CCDC171: variants seen among roughly 807,000 people sequenced by gnomAD.
CCDC171 encodes coiled-coil domain containing 171.
In CCDC171, 177 loss-of-function variants were observed where a neutral mutation model predicts 168.2. The ratio of observed to expected loss-of-function variants is 1.05; its 90% CI spans 0.93 to 1.19. The LOEUF (loss-of-function observed/expected upper bound fraction) is 1.19, where lower values mean the gene tolerates loss of function less well. CCDC171 is among the 50% of genes most tolerant of loss of function. The pLI is 0.00. For synonymous variants in CCDC171, 687 were observed against 540.8 expected (o/e 1.27, Z -3.75); for missense variants, 1,991 against 1,539.0 (o/e 1.29, Z -4.91).
At chr9:15,786,115 A>G (rs966638235) in intron 21 of CCDC171, among the ~76,000 whole-genome samples, 4 of 152,188 alleles carry the variant, frequency 2.6e-5, no homozygotes, top group African/African-American at 9.6e-5. Context: ...TACATGTATT[A>G]AATTGAACCA....
intron 7 of CCDC171, among the ~76,000 whole-genome samples, chr9:15,634,563 T>C (rs1362862782): frequency 6.6e-6 from 1 of 152,152 alleles, no homozygotes; most frequent in African/African-American, 2.4e-5. Context: ...AGGGCTAGGG[T>C]AGGGTATTTG....
Position 16,010,136 on chromosome 9 carries a change from A to G in CCDC171, n.369-10453A>G, listed in dbSNP as rs111863411. ...TTGAATTAAGTAGAGTAGAAATTGA[A>G]TGTTCTGAAGTCTGAATGTGTGTGT... On this transcript the variant is annotated intron_variant and non_coding_transcript_variant, in intron 3 of 9. Coordinates refer to the CCDC171 transcript ENST00000486641. 1.4e-4 allele frequency among the ~76,000 whole-genome samples: 22 copies of G among 152,280 alleles called. 1 individual carries two copies. The highest frequency in any genetic ancestry group is 4.8e-4 in the African/African-American group (20 of 41,558).
intron 2 of CCDC171, among the ~76,000 whole-genome samples, chr9:15,568,749 G>GT (rs143401145): frequency 0.045 from 6,749 of 150,940 alleles, 323 homozygotes; most frequent in South Asian, 0.12. Context: ...ACTTTTTAAT[G>GT]TTTTTTTTTC....
rs1386880343 is a variant in CCDC171 at position 15,902,245 on chromosome 9, CATATATATATATATATGTATAT to C, written c.3601-18009_3601-17988del. 2.4e-3 allele frequency among the ~76,000 whole-genome samples: 258 copies of C among 107,498 alleles called. 2 individuals carry two copies. The highest frequency in any genetic ancestry group is 0.01 in the African/African-American group (240 of 23,200). 70.5% of individuals were successfully genotyped at this position (107,498 alleles called of 152,430 possible). ...CAAAATGATACAAAGCTATAAAATT[CATATATATATATATATGTATAT>C]ATATATATATATATACACACACACA... On this transcript the variant is annotated intron_variant, in intron 24 of 25. Coordinates refer to ENST00000380701, the MANE Select transcript of CCDC171 (RefSeq NM_173550.4).
chr9:15,958,904 CAAGAAGA>C (rs775489739), intron 25 of CCDC171, among the ~76,000 whole-genome samples: 16 of 152,062 alleles, frequency 1.1e-4, no homozygotes, highest in Non-Finnish European at 1.8e-4. Context: ...CAGCAAAAAG[CAAGAAGA>C]GATATAGCAG....
chr9:15,581,094 A>C (rs1005100490), intron 4 of CCDC171, among the ~76,000 whole-genome samples: 4 of 152,240 alleles, frequency 2.6e-5, no homozygotes, highest in African/African-American at 7.2e-5. Flanking sequence ...CTCAGGATAC[A>C]AAATCAGTGT....
chr9:16,068,337 G>A, the CCDC171 span, among the ~76,000 whole-genome samples: 83 of 152,180 alleles, frequency 5.5e-4, no homozygotes, highest in African/African-American at 1.9e-3. Context: ...AACATTCAAT[G>A]CTCATGGGTA....
chr9:16,074,421 A>G, the CCDC171 span, among the ~76,000 whole-genome samples: 1 of 152,178 alleles, frequency 6.6e-6, no homozygotes, highest in Non-Finnish European at 1.5e-5. Context: ...CCTATCGTTC[A>G]ACTTCCATTA....
intron 9 of CCDC171, among the ~76,000 whole-genome samples, chr9:15,678,488 G>A (rs1441566691): frequency 6.6e-6 from 1 of 152,092 alleles, no homozygotes; most frequent in Non-Finnish European, 1.5e-5. Context: ...CAAAAATGAT[G>A]GTGAATCCAA....
chr9:15,913,372 A>G (rs181572137), intron 24 of CCDC171, among the ~76,000 whole-genome samples: 1 of 151,698 alleles, frequency 6.6e-6, no homozygotes, highest in Non-Finnish European at 1.5e-5. Flanking sequence ...AGCAGTGGTG[A>G]TCTCCCCTTT....
chr9:15,705,859 G>A (rs1431772738), intron 11 of CCDC171, among the ~76,000 whole-genome samples: 1 of 152,156 alleles, frequency 6.6e-6, no homozygotes, highest in Non-Finnish European at 1.5e-5. Context: ...TGTCGAATAT[G>A]AATAAAAATA....
At chr9:15,878,056 G>C (rs1190654769) in intron 24 of CCDC171, among the ~76,000 whole-genome samples, 1 of 152,036 alleles carries the variant, frequency 6.6e-6, no homozygotes, top group Non-Finnish European at 1.5e-5. Flanking sequence ...ATACCATTCT[G>C]GACATAGGAA....
At position 15,955,430 on chromosome 9, in the gene CCDC171, C is replaced by T. The variant is rs564028556; in HGVS notation, c.3754-16179C>T. 7.2e-5 allele frequency among the ~76,000 whole-genome samples: 11 copies of T among 152,212 alleles called. No individual in the cohort carries two copies. In the South Asian group the frequency reaches 2.3e-3, roughly 32 times the overall value. ...TACCTCTGTGATAAGAAGCGACAAT[C>T]AGAGCACAGATCCTGATATTTGGAG... On this transcript the variant is annotated intron_variant, in intron 25 of 25. Coordinates refer to ENST00000380701, the MANE Select transcript of CCDC171 (RefSeq NM_173550.4).
At chr9:16,055,041 G>T (rs1321221505) in intron 1 of CCDC171, among the ~76,000 whole-genome samples, 1 of 152,190 alleles carries the variant, frequency 6.6e-6, no homozygotes, top group Non-Finnish European at 1.5e-5. Flanking sequence ...TGGCTGTCGG[G>T]CTGGTGGAGG....
intron 24 of CCDC171, chr9:15,875,030 T>C (rs1817661162): frequency 6.5e-6 from 1 of 153,706 alleles, no homozygotes; most frequent in African/African-American, 2.4e-5. Flanking sequence ...TAAGTAATTT[T>C]AGAAAAAAAA....
intron 22 of CCDC171, 143 bp downstream of exon 22, chr9:15,846,990 C>A (rs927216419): frequency 1.4e-5 from 9 of 637,314 alleles, no homozygotes; most frequent in Non-Finnish European, 1.6e-5. Context: ...CTGATATATC[C>A]TCAAAAAAGA....
intron 7 of CCDC171, among the ~76,000 whole-genome samples, chr9:15,638,631 A>G (rs1206465241): frequency 6.6e-6 from 1 of 151,952 alleles, no homozygotes; most frequent in Non-Finnish European, 1.5e-5. Flanking sequence ...TTGAAAGGTG[A>G]TTTTTTTATG....
At chr9:15,999,278 G>T (rs1421199070) in intron 3 of CCDC171, among the ~76,000 whole-genome samples, 1 of 148,988 alleles carries the variant, frequency 6.7e-6, no homozygotes, top group East Asian at 2.0e-4. Flanking sequence ...AAGAAAGAAA[G>T]AAAGGAGGGA....
At chr9:15,607,946 A>G (rs1426539454) in intron 6 of CCDC171, among the ~76,000 whole-genome samples, 5 of 152,186 alleles carry the variant, frequency 3.3e-5, no homozygotes, top group East Asian at 1.9e-4. Context: ...AAAAGAATTT[A>G]TTCTTGCAGT....
Sources: gnomAD v4.1 joint callset for allele counts (sites outside exome capture counted in the v4.1 genomes callset) on GRCh38, gnomAD v4.1.1 for gene constraint, MANE v1.5 for transcripts, NCBI Gene and HGNC (gene_info 2026-07-23, HGNC 2026-07-21) for gene names.